Variants in CSNK2A2IP observed in about 807,000 individuals in gnomAD.
CSNK2A2IP encodes the protein casein kinase II subunit alpha'-interacting protein.
the CSNK2A2IP span, among the ~76,000 whole-genome samples, chr3:88,433,347 C>T: frequency 6.6e-6 from 1 of 151,908 alleles, no homozygotes; most frequent in Non-Finnish European, 1.5e-5. Context: ...TTTTTGGTGA[C>T]ATTTAATTTC....
the CSNK2A2IP span, among the ~76,000 whole-genome samples, chr3:88,381,978 C>T: frequency 6.6e-6 from 1 of 152,152 alleles, no homozygotes; most frequent in Non-Finnish European, 1.5e-5. Flanking sequence ...TTGTTCTGAC[C>T]AGGAGATCAA....
the CSNK2A2IP span, among the ~76,000 whole-genome samples, chr3:88,388,555 G>C: frequency 6.6e-6 from 1 of 152,120 alleles, no homozygotes; most frequent in Non-Finnish European, 1.5e-5. Flanking sequence ...CTAATTAAAT[G>C]CAAGTCTGTA....
chr3:88,383,508 G>A, the CSNK2A2IP span, among the ~76,000 whole-genome samples: 1 of 152,154 alleles, frequency 6.6e-6, no homozygotes, highest in Admixed American at 6.5e-5. Flanking sequence ...TCTCTTTCCA[G>A]ATGGATACCC....
At chr3:88,394,590 T>C in the CSNK2A2IP span, among the ~76,000 whole-genome samples, 1 of 152,176 alleles carries the variant, frequency 6.6e-6, no homozygotes, top group Non-Finnish European at 1.5e-5. Context: ...GCTAGGCTGG[T>C]CTCGAACTCT....
the CSNK2A2IP span, among the ~76,000 whole-genome samples, chr3:88,389,719 G>A: frequency 2.0e-5 from 3 of 152,068 alleles, no homozygotes; most frequent in Non-Finnish European, 4.4e-5. Flanking sequence ...GTAAGGAGAG[G>A]TTGGATTCTG....
At chr3:88,368,377 G>T in the CSNK2A2IP span, among the ~76,000 whole-genome samples, 1 of 152,026 alleles carries the variant, frequency 6.6e-6, no homozygotes, top group Non-Finnish European at 1.5e-5. Context: ...TGGCTAGAGA[G>T]TGATCGAGAG....
the CSNK2A2IP span, among the ~76,000 whole-genome samples, chr3:88,458,146 T>G: frequency 4.0e-4 from 27 of 67,662 alleles, 1 homozygote; most frequent in East Asian, 2.2e-3. Flanking sequence ...TTGTGGTTTT[T>G]TTTTTTTTTT....
chr3:88,357,290 G>A, the CSNK2A2IP span, among the ~76,000 whole-genome samples: 22 of 152,168 alleles, frequency 1.4e-4, no homozygotes, highest in South Asian at 3.1e-3. Flanking sequence ...TATGACGTGA[G>A]ATAGGGGTTT....
the CSNK2A2IP span, among the ~76,000 whole-genome samples, chr3:88,420,946 A>G: frequency 2.6e-5 from 4 of 152,178 alleles, no homozygotes; most frequent in Non-Finnish European, 4.4e-5. Context: ...TAATAAAATT[A>G]TTATTTAAAT....
At chr3:88,379,959 A>G in the CSNK2A2IP span, among the ~76,000 whole-genome samples, 1 of 152,168 alleles carries the variant, frequency 6.6e-6, no homozygotes, top group Admixed American at 6.6e-5. Context: ...GGTATCATTT[A>G]TTATGGCCAC....
chr3:88,377,337 T>A, the CSNK2A2IP span, among the ~76,000 whole-genome samples: 1 of 151,990 alleles, frequency 6.6e-6, no homozygotes, highest in African/African-American at 2.4e-5. Flanking sequence ...TTTATCTCTA[T>A]CTTTTCTTTA....
At chr3:88,388,825 ATGGAAG>A in the CSNK2A2IP span, among the ~76,000 whole-genome samples, 42 of 152,260 alleles carry the variant, frequency 2.8e-4, 1 homozygote, top group South Asian at 8.3e-3. Context: ...GAGGTCTTCC[ATGGAAG>A]TTATAGCTAC....
chr3:88,431,756 G>T, the CSNK2A2IP span, among the ~76,000 whole-genome samples: 1 of 152,014 alleles, frequency 6.6e-6, no homozygotes, highest in Non-Finnish European at 1.5e-5. Flanking sequence ...CAACAAAAAA[G>T]AAAACTAATT....
the CSNK2A2IP span, among the ~76,000 whole-genome samples, chr3:88,409,833 A>T: frequency 1.3e-5 from 2 of 151,958 alleles, no homozygotes; most frequent in East Asian, 1.9e-4. Flanking sequence ...GATTTATTTT[A>T]TTGGTGACTT....
the CSNK2A2IP span, among the ~76,000 whole-genome samples, chr3:88,356,861 A>C: frequency 6.6e-6 from 1 of 151,978 alleles, no homozygotes; most frequent in African/African-American, 2.4e-5. Flanking sequence ...GGTATTGAGC[A>C]TTTTTCTTAT....
At chr3:88,445,957 TCTCC>T in the CSNK2A2IP span, among the ~76,000 whole-genome samples, 30 of 125,010 alleles carry the variant, frequency 2.4e-4, no homozygotes, top group Non-Finnish European at 3.4e-4. Flanking sequence ...TCTCTCTCTC[TCTCC>T]CTCCCTCCCT....
chr3:88,444,911 T>C, the CSNK2A2IP span, among the ~76,000 whole-genome samples: 1,550 of 152,316 alleles, frequency 0.01, 29 homozygotes, highest in African/African-American at 0.035. Flanking sequence ...GAGACCTGTG[T>C]ATCACATTTT....
chr3:88,405,108 C>A, the CSNK2A2IP span, among the ~76,000 whole-genome samples: 4 of 152,088 alleles, frequency 2.6e-5, no homozygotes, highest in Non-Finnish European at 5.9e-5. Context: ...ATGACCCCCA[C>A]CCAGTTCTTT....
chr3:88,345,148 C>A, the CSNK2A2IP span, among the ~76,000 whole-genome samples: 2 of 152,020 alleles, frequency 1.3e-5, no homozygotes, highest in Non-Finnish European at 2.9e-5. Flanking sequence ...CCACCCTGAT[C>A]TCTCCAAGTT....
Sources: gnomAD v4.1 joint callset for allele counts (sites outside exome capture counted in the v4.1 genomes callset) on GRCh38, gnomAD v4.1.1 for gene constraint, MANE v1.5 for transcripts, NCBI Gene and HGNC (gene_info 2026-07-23, HGNC 2026-07-21) for gene names.